ABCB1: variants seen among roughly 807,000 people sequenced by gnomAD.
ABCB1 encodes the protein ATP binding cassette subfamily B member 1.
Under a neutral mutation model 142.0 loss-of-function variants are expected in ABCB1, and 69 were observed. The observed-to-expected ratio is 0.49, with a 90% CI of 0.40 to 0.59. ABCB1 has a LOEUF of 0.59. Among genes scored for constraint, ABCB1 ranks in the 20% least tolerant of loss-of-function variants. The pLI is 0.00. For synonymous variants in ABCB1, 532 were observed against 539.2 expected, an observed-to-expected ratio of 0.99 and a Z score of 0.18; for missense variants, 1,326 against 1,554.7, an observed-to-expected ratio of 0.85 and a Z score of 2.47.
chr7:87,672,334 G>A (rs1215176085), intron 1 of ABCB1, among the ~76,000 whole-genome samples: 2 of 152,188 alleles, frequency 1.3e-5, no homozygotes, highest in Non-Finnish European at 2.9e-5. Flanking sequence ...ACTCTCCAAA[G>A]CCCAGAGGCT....
At chr7:87,505,586 AC>A (rs1487450944) in intron 27 of ABCB1, among the ~76,000 whole-genome samples, 1 of 152,228 alleles carries the variant, frequency 6.6e-6, no homozygotes, top group Non-Finnish European at 1.5e-5. Flanking sequence ...GTCTTACACT[AC>A]CACTTTTCCT....
At chr7:87,564,705 A>G (rs1412668255) in intron 7 of ABCB1, among the ~76,000 whole-genome samples, 1 of 152,162 alleles carries the variant, frequency 6.6e-6, no homozygotes, top group Non-Finnish European at 1.5e-5. Context: ...AATGATACCA[A>G]AAGTGTAATG....
At chr7:87,657,472 C>T (rs537736397) in intron 1 of ABCB1, among the ~76,000 whole-genome samples, 3 of 152,276 alleles carry the variant, frequency 2.0e-5, no homozygotes, top group Admixed American at 6.5e-5. Context: ...ATTCCGCCCT[C>T]CTGAGGCTAT....
chr7:87,535,481 C>A (rs1007401886), intron 20 of ABCB1, among the ~76,000 whole-genome samples: 1 of 151,840 alleles, frequency 6.6e-6, no homozygotes, highest in Non-Finnish European at 1.5e-5. Flanking sequence ...TACAGGCGTG[C>A]ACCTGTAATT....
chr7:87,674,885 G>C (rs1369088191), intron 1 of ABCB1, among the ~76,000 whole-genome samples: 1 of 152,124 alleles, frequency 6.6e-6, no homozygotes, highest in African/African-American at 2.4e-5. Flanking sequence ...AAGGCTAAAG[G>C]CTCCCACAGG....
At chr7:87,634,284 G>A (rs907496383) in intron 1 of ABCB1, among the ~76,000 whole-genome samples, 2 of 152,080 alleles carry the variant, frequency 1.3e-5, no homozygotes, top group African/African-American at 4.8e-5. Context: ...TTTGATGGGG[G>A]CAGACCAACC....
chr7:87,692,033 A>G (rs1456260062), intron 1 of ABCB1, among the ~76,000 whole-genome samples: 1 of 152,232 alleles, frequency 6.6e-6, no homozygotes, highest in African/African-American at 2.4e-5. Flanking sequence ...TTAAATTATA[A>G]TTAAAGCAAT....
At chr7:87,699,625 C>T (rs777556130) in intron 1 of ABCB1, among the ~76,000 whole-genome samples, 2 of 152,148 alleles carry the variant, frequency 1.3e-5, no homozygotes, top group East Asian at 3.9e-4. Flanking sequence ...AGGCTGGCCT[C>T]GAACTCCTGG....
At chr7:87,521,543 A>G (rs1815509641) in intron 21 of ABCB1, 5 of 757,482 alleles carry the variant, frequency 6.6e-6, no homozygotes, top group Non-Finnish European at 9.7e-6. Context: ...TGGTTGACCA[A>G]TGAGAGCCTG....
chr7:87,577,757 A>T (rs1267235036), intron 4 of ABCB1, among the ~76,000 whole-genome samples: 1 of 152,142 alleles, frequency 6.6e-6, no homozygotes, highest in Non-Finnish European at 1.5e-5. Context: ...TCTTTTGCCC[A>T]TTTGTTAATT....
chr7:87,700,726 C>T (rs970324205), intron 1 of ABCB1, among the ~76,000 whole-genome samples: 6 of 152,126 alleles, frequency 3.9e-5, no homozygotes, highest in Non-Finnish European at 8.8e-5. Flanking sequence ...ACTAGTGGCT[C>T]TCAAATAATG....
At chr7:87,656,875 A>G (rs1824155429) in intron 1 of ABCB1, among the ~76,000 whole-genome samples, 1 of 152,116 alleles carries the variant, frequency 6.6e-6, no homozygotes, top group Admixed American at 6.6e-5. Context: ...TTTTTCATTT[A>G]TTTATTCAAT....
intron 21 of ABCB1, among the ~76,000 whole-genome samples, chr7:87,528,685 C>A (rs1390547788): frequency 6.6e-6 from 1 of 152,144 alleles, no homozygotes; most frequent in East Asian, 1.9e-4. Context: ...TAAGTGTGGG[C>A]TCTAATGTCA....
chr7:87,519,192 A>C, intron 23 of ABCB1, 134 bp downstream of exon 23: 1 of 840,746 alleles, frequency 1.2e-6, no homozygotes, highest in South Asian at 1.5e-5. Flanking sequence ...GAAGACTCAG[A>C]GGCAGAAATG....
At chr7:87,626,937 G>A (rs972919453) in intron 1 of ABCB1, among the ~76,000 whole-genome samples, 1 of 151,856 alleles carries the variant, frequency 6.6e-6, no homozygotes, top group Non-Finnish European at 1.5e-5. Context: ...CACCACACCC[G>A]GCTAATTTTT....
chr7:87,671,900 T>C (rs910032211), intron 1 of ABCB1, among the ~76,000 whole-genome samples: 2 of 152,166 alleles, frequency 1.3e-5, no homozygotes, highest in East Asian at 3.9e-4. Context: ...AGCTCTCTGT[T>C]GGCTGGAAAA....
chr7:87,570,326 A>C (rs1177246680), intron 4 of ABCB1, 103 bp from the exon 5 acceptor site: 1 of 1,157,050 alleles, frequency 8.6e-7, no homozygotes, highest in Non-Finnish European at 1.3e-6. Context: ...TGATTTACAT[A>C]AAAATAGGTC....
intron 1 of ABCB1, among the ~76,000 whole-genome samples, chr7:87,700,262 G>C: frequency 6.6e-6 from 1 of 152,124 alleles, no homozygotes; most frequent in East Asian, 1.9e-4. Flanking sequence ...AGATAGAATA[G>C]GACTAGATTT....
At chr7:87,545,618 T>A (rs928344285) in intron 15 of ABCB1, among the ~76,000 whole-genome samples, 1 of 152,210 alleles carries the variant, frequency 6.6e-6, no homozygotes, top group African/African-American at 2.4e-5. Context: ...CACATGTGGC[T>A]ACTGACTACT....
Sources: allele counts gnomAD v4.1 joint callset (sites outside exome capture counted in the v4.1 genomes callset), GRCh38; gene constraint gnomAD v4.1.1; transcripts MANE v1.5; gene names NCBI Gene and HGNC (gene_info 2026-07-23, HGNC 2026-07-21).